Variants in SPATA31H1 observed in about 807,000 individuals in gnomAD.
SPATA31H1 encodes the protein spermatogenesis-associated protein 31H1.
chr2:27,569,290 G>A, the SPATA31H1 span: 1 of 398,894 alleles, frequency 2.5e-6, no homozygotes. Flanking sequence ...TGCAATCTAG[G>A]GCCATGTTCA....
chr2:27,580,451 C>A, the SPATA31H1 span: 2 of 1,614,126 alleles, frequency 1.2e-6, no homozygotes, highest in South Asian at 2.2e-5. Context: ...TGAAGAGAAT[C>A]ACCAAGCGAC....
At chr2:27,551,919 A>C in the SPATA31H1 span, among the ~76,000 whole-genome samples, 69 of 151,920 alleles carry the variant, frequency 4.5e-4, 1 homozygote, top group African/African-American at 1.6e-3. Context: ...GGATTCAAGC[A>C]ATTCTCCTTC....
the SPATA31H1 span, among the ~76,000 whole-genome samples, chr2:27,554,023 G>A: frequency 6.6e-6 from 1 of 152,018 alleles, no homozygotes; most frequent in African/African-American, 2.4e-5. Context: ...ATTCTGTTAA[G>A]TTCTTTGCCA....
the SPATA31H1 span, chr2:27,578,869 A>T: frequency 6.2e-7 from 1 of 1,614,180 alleles, no homozygotes. Flanking sequence ...AGAGCTTTGG[A>T]TATAAAAAAC....
At chr2:27,567,448 A>T in the SPATA31H1 span, 4 of 429,554 alleles carry the variant, frequency 9.3e-6, no homozygotes, top group African/African-American at 2.0e-5. Context: ...CAAAACACTG[A>T]GCAAAATATC....
At chr2:27,551,257 A>G in the SPATA31H1 span, among the ~76,000 whole-genome samples, 49 of 152,120 alleles carry the variant, frequency 3.2e-4, no homozygotes, top group Non-Finnish European at 5.7e-4. Context: ...ATCTGTGTTC[A>G]TGAAAGAGAT....
At chr2:27,578,011 A>G in the SPATA31H1 span, 7 of 1,614,050 alleles carry the variant, frequency 4.3e-6, no homozygotes, top group Non-Finnish European at 5.1e-6. Context: ...ATTAGTCCAG[A>G]GCCACTAGAT....
At chr2:27,561,088 C>A in the SPATA31H1 span, among the ~76,000 whole-genome samples, 1 of 152,128 alleles carries the variant, frequency 6.6e-6, no homozygotes, top group African/African-American at 2.4e-5. Flanking sequence ...TCATGCACTT[C>A]AGGAGACCAA....
the SPATA31H1 span, chr2:27,574,818 A>G: frequency 2.5e-6 from 1 of 398,510 alleles, no homozygotes; most frequent in African/African-American, 2.1e-5. Context: ...TTCTAACTCA[A>G]TAATGGGGAC....
the SPATA31H1 span, chr2:27,580,325 T>C: frequency 6.2e-7 from 1 of 1,614,174 alleles, no homozygotes. Flanking sequence ...CTAGAGCACC[T>C]GGGCACTATG....
chr2:27,552,898 T>C, the SPATA31H1 span, among the ~76,000 whole-genome samples: 1 of 152,244 alleles, frequency 6.6e-6, no homozygotes, highest in East Asian at 1.9e-4. Context: ...TTCTTTCCGA[T>C]ATTCTGTATG....
chr2:27,566,831 T>C, the SPATA31H1 span: 1 of 717,854 alleles, frequency 1.4e-6, no homozygotes, highest in South Asian at 1.5e-5. Flanking sequence ...TTCTATGCTG[T>C]TGTGACTATA....
At chr2:27,556,416 G>A in the SPATA31H1 span, among the ~76,000 whole-genome samples, 1 of 150,730 alleles carries the variant, frequency 6.6e-6, no homozygotes, top group Non-Finnish European at 1.5e-5. Context: ...GCTTGCCTTT[G>A]TGTCTGGGAC....
At chr2:27,555,745 T>C in the SPATA31H1 span, among the ~76,000 whole-genome samples, 98 of 152,134 alleles carry the variant, frequency 6.4e-4, no homozygotes, top group Admixed American at 2.0e-3. Flanking sequence ...TGTTATTCTA[T>C]TGTTTTCTGG....
At chr2:27,541,970 C>T in the SPATA31H1 span, among the ~76,000 whole-genome samples, 2 of 151,902 alleles carry the variant, frequency 1.3e-5, no homozygotes, top group South Asian at 2.1e-4. Flanking sequence ...GAGAGGGTAT[C>T]GCCATGGTGC....
At chr2:27,562,479 C>A in the SPATA31H1 span, among the ~76,000 whole-genome samples, 3 of 149,532 alleles carry the variant, frequency 2.0e-5, no homozygotes, top group Admixed American at 2.0e-4. Context: ...CCACTGCACT[C>A]CAGCCTAGGC....
the SPATA31H1 span, among the ~76,000 whole-genome samples, chr2:27,555,168 T>G: frequency 1.6e-4 from 25 of 152,114 alleles, 1 homozygote; most frequent in African/African-American, 5.8e-4. Flanking sequence ...TTCTTTTTTA[T>G]GTTATTAATG....
the SPATA31H1 span, chr2:27,582,531 G>A: frequency 1.1e-5 from 18 of 1,588,862 alleles, no homozygotes; most frequent in East Asian, 2.2e-5. Context: ...TCGATGAGGC[G>A]AGGTCCGCCC....
At chr2:27,539,260 C>CCGGCCTT in the SPATA31H1 span, among the ~76,000 whole-genome samples, 3 of 140,900 alleles carry the variant, frequency 2.1e-5, no homozygotes, top group East Asian at 1.9e-4. Flanking sequence ...CTGCGGCCTT[C>CCGGCCTT]CGGCCTTCCG....
Sources: allele counts gnomAD v4.1 joint callset (sites outside exome capture counted in the v4.1 genomes callset), GRCh38; gene constraint gnomAD v4.1.1; transcripts MANE v1.5; gene names NCBI Gene and HGNC (gene_info 2026-07-23, HGNC 2026-07-21).